The following CD55 variants were observed in gnomAD, a reference collection of about 807,000 sequenced individuals.
CD55 encodes the protein CD55 molecule (Cromer blood group).
CD55 carries 41 observed loss-of-function variants against 45.8 expected under a neutral mutation model. That is an observed-to-expected ratio of 0.90 (90% CI 0.70 to 1.16). The LOEUF (loss-of-function observed/expected upper bound fraction) is 1.16. CD55 is among the 50% of genes most tolerant of loss of function. The probability of loss-of-function intolerance (pLI) is 0.00; values close to 1 mark genes in which losing one functional copy is unlikely to be tolerated. For missense variants in CD55, 416 were observed against 469.8 expected, an observed-to-expected ratio of 0.89 and a Z score of 1.06; for synonymous variants, 181 against 181.1, an observed-to-expected ratio of 1.00 and a Z score of 0.01.
At chr1:207,352,211 G>A (rs28371632) in intron 9 of CD55, among the ~76,000 whole-genome samples, 2,172 of 148,340 alleles carry the variant, frequency 0.015, 63 homozygotes, top group African/African-American at 0.051. Flanking sequence ...CTTTTCTTCC[G>A]TTGGCTTTGT....
intron 8 of CD55, chr1:207,337,767 T>C (rs916626906): frequency 1.8e-5 from 3 of 168,262 alleles, no homozygotes; most frequent in Non-Finnish European, 3.8e-5. Flanking sequence ...GAGTCCTGGG[T>C]CTGGTTCATT....
At chr1:207,335,919 A>G (rs1463033098) in intron 6 of CD55, among the ~76,000 whole-genome samples, 1 of 152,140 alleles carries the variant, frequency 6.6e-6, no homozygotes, top group Admixed American at 6.6e-5. Context: ...CATTTTACAG[A>G]TGAGGAAACT....
Position 207,331,306 on chromosome 1 carries a change from T to A in CD55, c.853+10T>A, listed in dbSNP as rs755790991. ...CCACCTGAATGCAGAGGTAATCACT[T>A]TGGATAGTTATATTTTTGCTTTATT... On this transcript the variant is annotated intron_variant, in intron 6 of 9. Transcript: ENST00000367064. The A allele has an allele frequency of 6.2e-7, 1 of 1,609,430 alleles. No individual in the cohort carries two copies. The highest frequency in any genetic ancestry group is 8.5e-7 in the Non-Finnish European group (1 of 1,176,500).
rs764763440 is a variant in CD55 at position 207,337,356 on chromosome 1, C to T, written c.1007C>T (p.Thr336Ile). ...ACACGGAGTACACCTGTTTCCAGGACAACCAAGCATTTTCATGAAACAACC... is the reference window on the plus strand; with the variant it reads ...ACACGGAGTACACCTGTTTCCAGGATAACCAAGCATTTTCATGAAACAACC... ...QATRSTPVSR[T>I]TKHFHETTPN... The change falls in exon 8 of 10, where the codon ACA becomes ATA. Residue 336 changes from threonine to isoleucine, a missense_variant. Thr to Ile is a moderately conservative substitution (Grantham distance 89). Transcript: ENST00000367064. The T allele has an allele frequency of 3.1e-6, 5 of 1,611,180 alleles. No homozygotes were observed. In the East Asian group the frequency reaches 1.1e-4, roughly 36 times the overall value.
chr1:207,321,958 A>C (rs1654427810), intron 1 of CD55, 93 bp downstream of exon 1: 4 of 900,738 alleles, frequency 4.4e-6, no homozygotes, highest in African/African-American at 3.4e-5. Flanking sequence ...GCGACTTGGC[A>C]GGTGGGGAGC....
Position 207,321,854 on chromosome 1 carries a change from C to T in CD55, c.89C>T (p.Pro30Leu), listed in dbSNP as rs1380051263. 2 of 1,527,736 alleles carry T rather than the reference C, an allele frequency of 1.3e-6. No individual in the cohort carries two copies. Among genetic ancestry groups the T allele is most frequent in the South Asian group, 1.2e-5 (1 of 83,464 alleles). 94.6% of individuals were successfully genotyped at this position (1,527,736 alleles called of 1,614,324 possible). A position where few individuals can be genotyped will look rare whatever the true frequency, so the allele number is the denominator to read the frequency against. Reference protein sequence around the residue: ...RLLLLVLLCLPAVWGDCGLPP... With the variant: ...RLLLLVLLCLLAVWGDCGLPP... ...CTGCTGCTGGTGCTGTTGTGCCTGC[C>T]GGCCGTGTGGGGTGAGTAGGGGCCC... is the stretch of plus-strand genomic sequence containing the variant. Residue 30 changes from proline (P) to leucine (L), a missense_variant, in exon 1 of 10, where the codon CCG becomes CTG. Physicochemically the swap from Pro to Leu is moderately conservative, Grantham distance 98. Transcript: ENST00000367064.
intron 2 of CD55, 40 bp downstream of exon 2, chr1:207,322,607 A>G: frequency 2.7e-6 from 4 of 1,498,680 alleles, no homozygotes; most frequent in South Asian, 1.2e-5. Flanking sequence ...TGGGAATGGA[A>G]TGTATCTTAA....
At chr1:207,343,862 T>C (rs989536557) in intron 9 of CD55, among the ~76,000 whole-genome samples, 1 of 152,222 alleles carries the variant, frequency 6.6e-6, no homozygotes, top group African/African-American at 2.4e-5. Context: ...GCATACATAC[T>C]TAGAATTGTT....
intron 8 of CD55, chr1:207,337,626 G>A: frequency 5.1e-6 from 2 of 390,364 alleles, no homozygotes; most frequent in Non-Finnish European, 9.1e-6. Context: ...AAAAGACTGT[G>A]GCCCCATTAA....
intron 6 of CD55, among the ~76,000 whole-genome samples, chr1:207,333,824 C>T (rs1655053438): frequency 6.6e-6 from 1 of 151,820 alleles, no homozygotes; most frequent in South Asian, 2.1e-4. Flanking sequence ...TTAAAAATAC[C>T]CAAACTGATG....
intron 6 of CD55, among the ~76,000 whole-genome samples, chr1:207,334,177 A>G (rs1460318979): frequency 6.6e-6 from 1 of 152,180 alleles, no homozygotes; most frequent in Non-Finnish European, 1.5e-5. Flanking sequence ...AAGCAACAGT[A>G]TAACTGATTA....
At chr1:207,343,065 T>G (rs538899386) in intron 9 of CD55, among the ~76,000 whole-genome samples, 1 of 152,144 alleles carries the variant, frequency 6.6e-6, no homozygotes, top group African/African-American at 2.4e-5. Flanking sequence ...CTGATTTTAT[T>G]TGGGGCTTCT....
intron 9 of CD55, among the ~76,000 whole-genome samples, chr1:207,350,354 T>G (rs1655817637): frequency 6.6e-6 from 1 of 152,208 alleles, no homozygotes; most frequent in Non-Finnish European, 1.5e-5. Context: ...CAGATTTTGG[T>G]ATCAGTGTGA....
At chr1:207,342,020 C>G (rs1379256699) in intron 9 of CD55, among the ~76,000 whole-genome samples, 1 of 151,898 alleles carries the variant, frequency 6.6e-6, no homozygotes, top group Non-Finnish European at 1.5e-5. Flanking sequence ...AATGGAATTG[C>G]CTTCTTGATT....
At chr1:207,341,681 C>T (rs2802228) in intron 9 of CD55, among the ~76,000 whole-genome samples, 151,368 of 152,288 alleles carry the variant, frequency 0.99, 75,235 homozygotes, top group Non-Finnish European at 1. Context: ...AGTCAGGTAG[C>T]GTGATGCTGC....
intron 9 of CD55, 36 bp from the exon 10 acceptor site, chr1:207,359,510 T>C: frequency 6.9e-7 from 1 of 1,446,502 alleles, no homozygotes; most frequent in East Asian, 2.6e-5. Context: ...ATCATTTTGA[T>C]TTTAACTTTT....
chr1:207,328,801 A>G (rs1390348098), intron 5 of CD55, among the ~76,000 whole-genome samples: 1 of 152,166 alleles, frequency 6.6e-6, no homozygotes, highest in East Asian at 1.9e-4. Context: ...CTCCATCTGT[A>G]TATTTCTAGC....
chr1:207,338,435 C>G (rs1359563203), intron 8 of CD55, among the ~76,000 whole-genome samples: 1 of 152,008 alleles, frequency 6.6e-6, no homozygotes, highest in Admixed American at 6.6e-5. Context: ...TAGGGCAAGG[C>G]AAAGAGAAAT....
At chr1:207,339,444 A>G (rs930770464) in intron 9 of CD55, 27 bp downstream of exon 9, 11 of 1,584,602 alleles carry the variant, frequency 6.9e-6, no homozygotes, top group Non-Finnish European at 9.5e-6. Flanking sequence ...GGCCATTAAA[A>G]GAAATTGTTT....
Sources: allele counts gnomAD v4.1 joint callset (sites outside exome capture counted in the v4.1 genomes callset), GRCh38; gene constraint gnomAD v4.1.1; transcripts MANE v1.5; gene names NCBI Gene and HGNC (gene_info 2026-07-23, HGNC 2026-07-21).